FAF1: variants seen among roughly 807,000 people sequenced by gnomAD.
The protein encoded by FAF1 is FAS-associated factor 1.
FAF1 carries 25 observed loss-of-function variants against 92.5 expected under a neutral mutation model. That is an observed-to-expected ratio of 0.27 (90% CI 0.20 to 0.38). The LOEUF (loss-of-function observed/expected upper bound fraction) is 0.38, where lower values mean the gene tolerates loss of function less well. Ranked by LOEUF, FAF1 falls within the 10% of genes least tolerant of loss-of-function variation. The probability of loss-of-function intolerance (pLI) is 1.00; values close to 1 mark genes in which losing one functional copy is unlikely to be tolerated. For synonymous variants in FAF1, 234 were observed against 273.2 expected, an observed-to-expected ratio of 0.86 and a Z score of 1.42; for missense variants, 636 against 793.3, an observed-to-expected ratio of 0.80 and a Z score of 2.38.
chr1:50,446,745 G>C (rs1646231707), intron 18 of FAF1, among the ~76,000 whole-genome samples: 1 of 152,180 alleles, frequency 6.6e-6, no homozygotes, highest in Non-Finnish European at 1.5e-5. Context: ...ATAAAAGAAA[G>C]TCTGGATCTA....
chr1:50,756,851 A>T (rs1303929899), intron 4 of FAF1, among the ~76,000 whole-genome samples: 2 of 152,234 alleles, frequency 1.3e-5, no homozygotes, highest in Non-Finnish European at 2.9e-5. Flanking sequence ...TCACGAGAAC[A>T]GCATGGGAAA....
At chr1:50,690,226 T>C (rs1329950346) in intron 7 of FAF1, among the ~76,000 whole-genome samples, 1 of 152,004 alleles carries the variant, frequency 6.6e-6, no homozygotes, top group African/African-American at 2.4e-5. Context: ...CCTCAGGTGA[T>C]CCACCCACCT....
chr1:50,595,972 A>G (rs1417294834), intron 9 of FAF1, 149 bp downstream of exon 9: 5 of 603,528 alleles, frequency 8.3e-6, no homozygotes, highest in African/African-American at 5.7e-5. Flanking sequence ...TTGCATGGAC[A>G]GTTTCTGCCT....
intron 1 of FAF1, among the ~76,000 whole-genome samples, chr1:50,953,385 T>A (rs1437810608): frequency 6.7e-6 from 1 of 150,356 alleles, no homozygotes; most frequent in Non-Finnish European, 1.5e-5. Context: ...CCAAGAATAA[T>A]CAATAAATAC....
At chr1:50,580,876 A>G (rs1454073195) in intron 12 of FAF1, among the ~76,000 whole-genome samples, 3 of 152,132 alleles carry the variant, frequency 2.0e-5, no homozygotes, top group Non-Finnish European at 4.4e-5. Flanking sequence ...GGCTCAAGCA[A>G]TCCTCCTGCC....
intron 4 of FAF1, among the ~76,000 whole-genome samples, chr1:50,770,891 C>A (rs531715417): frequency 6.6e-6 from 1 of 152,096 alleles, no homozygotes; most frequent in Admixed American, 6.5e-5. Context: ...CATAACAGCA[C>A]GTTACTGGTA....
At chr1:50,871,915 A>C (rs1222127197) in intron 1 of FAF1, among the ~76,000 whole-genome samples, 4 of 152,066 alleles carry the variant, frequency 2.6e-5, no homozygotes, top group Non-Finnish European at 4.4e-5. Context: ...AATACAAAAA[A>C]TTAGCCGGGC....
At chr1:50,710,608 CTT>C (rs780905134) in intron 6 of FAF1, among the ~76,000 whole-genome samples, 1 of 146,948 alleles carries the variant, frequency 6.8e-6, no homozygotes, top group Non-Finnish European at 1.5e-5. Context: ...TTTAAAAACC[CTT>C]TTTTTTTTTC....
intron 1 of FAF1, among the ~76,000 whole-genome samples, chr1:50,935,495 G>A (rs1645079208): frequency 6.9e-6 from 1 of 145,348 alleles, no homozygotes; most frequent in Admixed American, 7.0e-5. Flanking sequence ...TTTTGAGATG[G>A]AGTCTCATTT....
intron 2 of FAF1, among the ~76,000 whole-genome samples, chr1:50,836,239 T>C (rs1246671665): frequency 6.8e-6 from 1 of 146,978 alleles, no homozygotes; most frequent in Admixed American, 6.9e-5. Flanking sequence ...GATGTGATCA[T>C]AGCTCACTTT....
intron 4 of FAF1, among the ~76,000 whole-genome samples, chr1:50,779,240 T>A (rs1296679263): frequency 6.6e-6 from 1 of 152,184 alleles, no homozygotes; most frequent in Non-Finnish European, 1.5e-5. Flanking sequence ...CTCAAAGTCA[T>A]CCATGAAGGT....
chr1:50,490,429 AAGGAAGGAAG>A (rs1646819562), intron 17 of FAF1, among the ~76,000 whole-genome samples, 149 bp downstream of exon 17: 2 of 123,154 alleles, frequency 1.6e-5, no homozygotes, highest in Non-Finnish European at 3.6e-5. Flanking sequence ...GGAAGGAAGG[AAGGAAGGAAG>A]GAAGGAAGGA....
chr1:50,759,634 C>A (rs1660239975), intron 4 of FAF1, among the ~76,000 whole-genome samples: 1 of 152,098 alleles, frequency 6.6e-6, no homozygotes, highest in African/African-American at 2.4e-5. Flanking sequence ...GTCTTTATAG[C>A]AGCATGATTT....
intron 17 of FAF1, among the ~76,000 whole-genome samples, chr1:50,490,084 G>C (rs1432546782): frequency 1.3e-5 from 2 of 152,216 alleles, no homozygotes; most frequent in Non-Finnish European, 2.9e-5. Context: ...TTGCAGCTGG[G>C]TGCGGTGGCT....
Position 50,474,527 on chromosome 1 carries a change from T to C in FAF1, c.1869+937A>G, listed in dbSNP as rs114770015. 4.4e-3 allele frequency among the ~76,000 whole-genome samples: 677 copies of C among 152,280 alleles called. 5 individuals carry two copies. Among genetic ancestry groups the C allele is most frequent in the African/African-American group, 0.016 (660 of 41,560 alleles). On this transcript the variant is annotated intron_variant, in intron 18 of 18. Coordinates refer to ENST00000396153, the MANE Select transcript of FAF1 (RefSeq NM_007051.3). ...TGTACCCATCACCCAGTGGGTAGTT[T>C]ATCTTAGTGCAGAGTTAAACAGGAC...
In FAF1 at chr1:50,537,751, C is replaced by T. The variant is rs190932404; in HGVS notation, c.1405+1841G>A. Reference sequence around the variant, plus strand: ...ATAGAAAACAACCGTATTCTGTATTCTCGTACCTACATCTACACTAACCAG... The same window carrying T: ...ATAGAAAACAACCGTATTCTGTATTTTCGTACCTACATCTACACTAACCAG... On this transcript the variant is annotated intron_variant, in intron 14 of 18. Transcript: ENST00000396153. Among the ~76,000 whole-genome samples the T allele has an allele frequency of 1.1e-4, 16 of 152,044 alleles. No individual in the cohort carries two copies. The East Asian group carries it at 2.3e-3, about 22-fold the overall frequency.
At chr1:50,636,830 TG>T (rs1654036191) in intron 8 of FAF1, among the ~76,000 whole-genome samples, 2 of 152,202 alleles carry the variant, frequency 1.3e-5, no homozygotes, top group Admixed American at 1.3e-4. Context: ...TTGTAGCTTT[TG>T]CATTTAAGTC....
chr1:50,769,819 G>C (rs1660713205), intron 4 of FAF1, among the ~76,000 whole-genome samples: 1 of 152,178 alleles, frequency 6.6e-6, no homozygotes, highest in Admixed American at 6.5e-5. Flanking sequence ...GGGAAGCCAA[G>C]GCAGGTGGAT....
chr1:50,837,440 C>G (rs1281008156), intron 2 of FAF1, among the ~76,000 whole-genome samples: 1 of 152,150 alleles, frequency 6.6e-6, no homozygotes, highest in African/African-American at 2.4e-5. Flanking sequence ...TTCGACGTGC[C>G]TGGTTGCTTC....
Sources: allele counts gnomAD v4.1 joint callset (sites outside exome capture counted in the v4.1 genomes callset), GRCh38; gene constraint gnomAD v4.1.1; transcripts MANE v1.5; gene names NCBI Gene and HGNC (gene_info 2026-07-23, HGNC 2026-07-21).